Variants in PDGFD observed in about 807,000 individuals in gnomAD.
The protein encoded by PDGFD is platelet-derived growth factor D.
In PDGFD, 30 loss-of-function variants were observed where a neutral mutation model predicts 44.7. The ratio of observed to expected loss-of-function variants is 0.67; its 90% CI spans 0.50 to 0.91. PDGFD has a LOEUF of 0.91. PDGFD is among the 40% of genes least tolerant of loss of function. The pLI is 0.00. For missense variants in PDGFD, 445 were observed against 457.8 expected (o/e 0.97, Z 0.25); for synonymous variants, 173 against 168.4 (o/e 1.03, Z -0.21).
chr11:104,048,289 G>T (rs1860474437), intron 1 of PDGFD, among the ~76,000 whole-genome samples: 1 of 151,800 alleles, frequency 6.6e-6, no homozygotes, highest in Non-Finnish European at 1.5e-5. Context: ...AAAATACTGA[G>T]AAATAATTTT....
intron 1 of PDGFD, among the ~76,000 whole-genome samples, chr11:104,022,091 T>C (rs1464360717): frequency 1.3e-5 from 2 of 152,190 alleles, no homozygotes; most frequent in Non-Finnish European, 2.9e-5. Flanking sequence ...GAAAGAAGAA[T>C]GTTTCAAACT....
At chr11:104,053,078 A>G (rs12792763) in intron 1 of PDGFD, among the ~76,000 whole-genome samples, 36,970 of 152,088 alleles carry the variant, frequency 0.24, 5,255 homozygotes, top group East Asian at 0.34. Context: ...TTGAACAAAT[A>G]CTTTCTTATT....
At chr11:104,000,542 T>C (rs1350725950) in intron 1 of PDGFD, among the ~76,000 whole-genome samples, 1 of 150,988 alleles carries the variant, frequency 6.6e-6, no homozygotes, top group Non-Finnish European at 1.5e-5. Context: ...TTATTTTGTA[T>C]TCAATTGATA....
chr11:104,038,059 C>A, intron 1 of PDGFD: 2 of 1,533,710 alleles, frequency 1.3e-6, no homozygotes, highest in Non-Finnish European at 1.8e-6. Flanking sequence ...CTCAGGTCCC[C>A]GGCAATTATA....
chr11:104,032,989 C>A (rs914718703), intron 1 of PDGFD, among the ~76,000 whole-genome samples: 1 of 151,722 alleles, frequency 6.6e-6, no homozygotes, highest in African/African-American at 2.4e-5. Flanking sequence ...ATTCAGATAA[C>A]CCATTTCTCA....
intron 3 of PDGFD, among the ~76,000 whole-genome samples, chr11:103,958,551 A>C (rs762819426): frequency 7.2e-5 from 11 of 152,218 alleles, no homozygotes; most frequent in Non-Finnish European, 1.6e-4. Context: ...AAATGAAGAA[A>C]TACTGACCTG....
intron 5 of PDGFD, among the ~76,000 whole-genome samples, chr11:103,938,607 T>C (rs1188856759): frequency 6.6e-6 from 1 of 152,208 alleles, no homozygotes; most frequent in Non-Finnish European, 1.5e-5. Context: ...GCTTTTGGTG[T>C]TTTAGACATG....
At chr11:103,967,566 G>C (rs1487188660) in intron 3 of PDGFD, among the ~76,000 whole-genome samples, 1 of 152,074 alleles carries the variant, frequency 6.6e-6, no homozygotes, top group Non-Finnish European at 1.5e-5. Flanking sequence ...GCCTTCTATT[G>C]ATCTTAGAGG....
At chr11:104,133,203 C>T (rs1371940667) in intron 1 of PDGFD, among the ~76,000 whole-genome samples, 7 of 152,084 alleles carry the variant, frequency 4.6e-5, no homozygotes, top group African/African-American at 1.7e-4. Flanking sequence ...TAAATGACTG[C>T]CAGCATCCAA....
intron 3 of PDGFD, among the ~76,000 whole-genome samples, chr11:103,962,864 T>C (rs1858960792): frequency 6.6e-6 from 1 of 152,164 alleles, no homozygotes; most frequent in Admixed American, 6.6e-5. Context: ...CTTTCCAAAA[T>C]GAGTACAATC....
At chr11:103,930,051 C>A (rs567681290) in intron 5 of PDGFD, among the ~76,000 whole-genome samples, 12 of 152,304 alleles carry the variant, frequency 7.9e-5, no homozygotes, top group African/African-American at 2.4e-4. Flanking sequence ...TATTTCATCC[C>A]AGTCTACATC....
At chr11:104,015,965 C>G (rs1859853873) in intron 1 of PDGFD, among the ~76,000 whole-genome samples, 1 of 152,184 alleles carries the variant, frequency 6.6e-6, no homozygotes, top group Non-Finnish European at 1.5e-5. Flanking sequence ...AACACATTCT[C>G]ACAATTAATA....
intron 1 of PDGFD, among the ~76,000 whole-genome samples, chr11:104,148,746 C>A (rs1426351677): frequency 1.3e-5 from 2 of 152,118 alleles, no homozygotes; most frequent in Non-Finnish European, 2.9e-5. Context: ...CCTCCTCCCA[C>A]CCTTCATCCT....
intron 1 of PDGFD, among the ~76,000 whole-genome samples, chr11:104,043,829 G>C (rs1860398417): frequency 6.6e-6 from 1 of 152,070 alleles, no homozygotes; most frequent in Non-Finnish European, 1.5e-5. Context: ...ACTGCGGGGA[G>C]CACACTGAGC....
intron 1 of PDGFD, among the ~76,000 whole-genome samples, chr11:104,011,323 T>C (rs2134374933): frequency 6.6e-6 from 1 of 152,230 alleles, no homozygotes; most frequent in African/African-American, 2.4e-5. Context: ...TATAAACTTA[T>C]GACTATATTT....
intron 1 of PDGFD, among the ~76,000 whole-genome samples, chr11:104,083,627 T>C (rs779552924): frequency 6.6e-6 from 1 of 152,204 alleles, no homozygotes; most frequent in Non-Finnish European, 1.5e-5. Flanking sequence ...AATACAAAAA[T>C]AAACTGGATT....
intron 1 of PDGFD, among the ~76,000 whole-genome samples, chr11:104,122,634 A>C (rs979019309): frequency 5.9e-5 from 9 of 152,050 alleles, no homozygotes; most frequent in Admixed American, 2.0e-4. Context: ...TTCCTAGACC[A>C]TGAGAAAAGG....
intron 3 of PDGFD, among the ~76,000 whole-genome samples, chr11:103,985,174 A>G (rs1274321601): frequency 7.9e-6 from 1 of 127,150 alleles, no homozygotes; most frequent in Non-Finnish European, 1.7e-5. Context: ...ATAATATATT[A>G]ATTTATTTAA....
At chr11:104,066,923 T>G (rs1217006963) in intron 1 of PDGFD, among the ~76,000 whole-genome samples, 1 of 152,166 alleles carries the variant, frequency 6.6e-6, no homozygotes, top group African/African-American at 2.4e-5. Context: ...ATACTTGCTC[T>G]TCCACCCTAA....
Sources: allele counts gnomAD v4.1 joint callset (sites outside exome capture counted in the v4.1 genomes callset), GRCh38; gene constraint gnomAD v4.1.1; transcripts MANE v1.5; gene names NCBI Gene and HGNC (gene_info 2026-07-23, HGNC 2026-07-21).